Variants in PCDHGA5 observed in about 807,000 individuals in gnomAD.
PCDHGA5 encodes protocadherin gamma subfamily A, 5, also known as protocadherin gamma-A5.
Under a neutral mutation model 56.7 loss-of-function variants are expected in PCDHGA5, and 36 were observed. The observed-to-expected ratio is 0.64, with a 90% confidence interval of 0.49 to 0.84. The LOEUF (loss-of-function observed/expected upper bound fraction) is 0.84. PCDHGA5 is among the 40% of genes least tolerant of loss of function. The pLI, the probability that PCDHGA5 is intolerant of heterozygous loss-of-function variation, is 0.00. For synonymous variants in PCDHGA5, 563 were observed against 520.2 expected (o/e 1.08, Z -1.12); for missense variants, 1,305 against 1,201.5 (o/e 1.09, Z -1.27).
At position 141,491,346 on chromosome 5, in the gene PCDHGA5, T is replaced by A. The variant is rs760843553; in HGVS notation, c.2422-3461T>A. ...TCATTGTGGCTCTAGCGACCGTCAG[T>A]CTCTTATCCCTAGTCACCTTCACCT... On this transcript the variant is annotated intron_variant, in intron 1 of 3. Coordinates refer to ENST00000518069, the MANE Select transcript of PCDHGA5 (RefSeq NM_018918.3). This position sits in a 1 kb window ranked among gnomAD's most constrained non-coding sequence, Gnocchi z 6.9. The A allele has an allele frequency of 6.2e-7, 1 of 1,614,088 alleles. No individual in the cohort carries two copies. The highest frequency in any genetic ancestry group is 1.1e-5 in the South Asian group (1 of 91,080).
At chr5:141,386,797 T>G (rs771279831) in intron 1 of PCDHGA5, among the ~76,000 whole-genome samples, 1 of 152,124 alleles carries the variant, frequency 6.6e-6, no homozygotes, top group Non-Finnish European at 1.5e-5. Flanking sequence ...TGACCAAAAT[T>G]TATTAGATGC....
In PCDHGA5 at chr5:141,511,925, G is replaced by C. The variant is rs2099884008; in HGVS notation, c.*752G>C. 1 of 155,320 alleles carries C rather than the reference G, an allele frequency of 6.4e-6. No homozygotes were observed. Among genetic ancestry groups the C allele is most frequent in the Admixed American group, 6.3e-5 (1 of 15,924 alleles). 9.6% of individuals were successfully genotyped at this position (155,320 alleles called of 1,614,324 possible). A position where few individuals can be genotyped will look rare whatever the true frequency, so the allele number is the denominator to read the frequency against. ...CCTCAAACAAGAGACTCCACTGCAT[G>C]TTCCAAGACAGTATGGGGTGGTAAG... On this transcript the variant is annotated 3_prime_UTR_variant, in exon 4 of 4. Coordinates refer to ENST00000518069, the MANE Select transcript of PCDHGA5 (RefSeq NM_018918.3).
rs750804901 is a variant in PCDHGA5 at position 141,476,422 on chromosome 5, C to G, written c.2422-18385C>G. On this transcript the variant is annotated intron_variant, in intron 1 of 3. Coordinates refer to ENST00000518069, the MANE Select transcript of PCDHGA5 (RefSeq NM_018918.3). The surrounding 1 kb of genome is among the most constrained non-coding windows in gnomAD (Gnocchi z 7.6). ...GAGAGGAGCTGTGTGGGACACTGCC[C>G]TCTTGCACTGTAACTCTGGAGTTGG... 17 of 1,614,026 alleles carry G rather than the reference C, an allele frequency of 1.1e-5. No individual in the cohort carries two copies. The highest frequency in any genetic ancestry group is 1.4e-5 in the Non-Finnish European group (17 of 1,180,030).
chr5:141,478,857 C>A, intron 1 of PCDHGA5: 1 of 1,353,600 alleles, frequency 7.4e-7, no homozygotes, highest in Non-Finnish European at 9.8e-7. Context: ...AACACAAGAT[C>A]TCAGCGATCA....
At chr5:141,389,573 C>T (rs778800357) in intron 1 of PCDHGA5, 2 of 1,613,242 alleles carry the variant, frequency 1.2e-6, no homozygotes, top group African/African-American at 1.3e-5. Flanking sequence ...TGCTGTACCC[C>T]GCGCTGGGTC....
intron 1 of PCDHGA5, among the ~76,000 whole-genome samples, chr5:141,465,422 G>A (rs74711061): frequency 0.01 from 1,576 of 152,260 alleles, 21 homozygotes; most frequent in African/African-American, 0.037. Context: ...AGCACTGAAA[G>A]GTGGGCACTT....
At chr5:141,453,865 A>T (rs1048679358) in intron 1 of PCDHGA5, among the ~76,000 whole-genome samples, 2 of 152,234 alleles carry the variant, frequency 1.3e-5, no homozygotes, top group African/African-American at 4.8e-5. Flanking sequence ...AAAATAACAG[A>T]TGAGCAAAAT....
chr5:141,450,386 A>T (rs1208546397), intron 1 of PCDHGA5, among the ~76,000 whole-genome samples: 2 of 152,192 alleles, frequency 1.3e-5, no homozygotes, highest in Non-Finnish European at 2.9e-5. Flanking sequence ...TGAAACTGAC[A>T]TTTGTAAAGA....
chr5:141,404,680 G>C, intron 1 of PCDHGA5: 1 of 1,614,160 alleles, frequency 6.2e-7, no homozygotes, highest in East Asian at 2.2e-5. Context: ...CTGGTGTGGA[G>C]CTGGCACCCC....
rs749347013 is a variant in PCDHGA5, at chr5:141,476,739, C to G, written c.2422-18068C>G. 6.2e-7 allele frequency: 1 copy of G among 1,614,068 alleles called. No individual in the cohort carries two copies. Among genetic ancestry groups the G allele is most frequent in the South Asian group, 1.1e-5 (1 of 91,088 alleles). On this transcript the variant is annotated intron_variant, in intron 1 of 3. Transcript: ENST00000518069. The surrounding 1 kb of genome is among the most constrained non-coding windows in gnomAD (Gnocchi z 7.6). Reference sequence around the variant, plus strand: ...CGCGCCCTGGACCGAGAACGGGAGCCTAGTCTCCAGTTAGTGCTGACGGCG... The same window carrying G: ...CGCGCCCTGGACCGAGAACGGGAGCGTAGTCTCCAGTTAGTGCTGACGGCG...
In PCDHGA5 at chr5:141,464,280, A is replaced by C. The variant is rs934753450; in HGVS notation, c.2422-30527A>C. Among the ~76,000 whole-genome samples, 148 of 75,930 alleles carry C rather than the reference A, an allele frequency of 1.9e-3. 1 individual carries two copies. Among genetic ancestry groups the C allele is most frequent in the African/African-American group, 0.011 (146 of 12,968 alleles). 49.8% of individuals were successfully genotyped at this position (75,930 alleles called of 152,430 possible). Reference sequence around the variant, plus strand: ...ACTCCGTCTAAAAAAAAAAAAAAGCAAAAAAAAAAACTCCATTGTATGTGC... The same window carrying C: ...ACTCCGTCTAAAAAAAAAAAAAAGCCAAAAAAAAAACTCCATTGTATGTGC... On this transcript the variant is annotated intron_variant, in intron 1 of 3. Transcript: ENST00000518069.
rs1222348421 is a variant in PCDHGA5, at chr5:141,511,044, C to T, written c.2667C>T (p.Asp889=). 1 of 1,614,128 alleles carries T rather than the reference C, an allele frequency of 6.2e-7. No homozygotes were observed. The highest frequency in any genetic ancestry group is 1.3e-5 in the African/African-American group (1 of 74,940). ...GPQFTLQHVP[D]YRQNVYIPGS... is the part of the protein sequence containing the mutation. ...AGTTCACCCTGCAGCACGTGCCCGA[C>T]TACCGCCAGAATGTCTACATCCCAG... The change falls in exon 4 of 4, where the codon GAC becomes GAT. Residue 889 remains aspartate, a synonymous_variant. Coordinates refer to ENST00000518069, the MANE Select transcript of PCDHGA5 (RefSeq NM_018918.3).
intron 1 of PCDHGA5, among the ~76,000 whole-genome samples, chr5:141,482,530 C>CAAAAAAAAAA (rs3074545): frequency 1.2e-3 from 90 of 76,428 alleles, no homozygotes; most frequent in African/African-American, 1.7e-3. Context: ...GACAGACATG[C>CAAAAAAAAAA]AAAAAAAAAA....
At chr5:141,381,989 C>G (rs1013941230) in intron 1 of PCDHGA5, among the ~76,000 whole-genome samples, 13 of 151,916 alleles carry the variant, frequency 8.6e-5, no homozygotes, top group Admixed American at 7.2e-4. Flanking sequence ...GCCACCACGC[C>G]CGGATAATTT....
At position 141,432,669 on chromosome 5, in the gene PCDHGA5, C is replaced by T. The variant is rs777314784; in HGVS notation, c.2422-62138C>T. ...GCGCGAGCCCTGCTGGACAGAGACG[C>T]GCTCAAGCAGAGCCTCGTAGTGGCC... On this transcript the variant is annotated intron_variant, in intron 1 of 3. Transcript: ENST00000518069. This position sits in a 1 kb window ranked among gnomAD's most constrained non-coding sequence, Gnocchi z 6.0. 1 of 1,613,894 alleles carries T rather than the reference C, an allele frequency of 6.2e-7. No homozygotes were observed.
intron 2 of PCDHGA5, among the ~76,000 whole-genome samples, chr5:141,499,192 C>T (rs1048812227): frequency 1.1e-4 from 17 of 152,106 alleles, no homozygotes; most frequent in South Asian, 2.1e-4. Flanking sequence ...CCATTTCCCC[C>T]TTCTTAGGCT....
chr5:141,495,973 A>T, intron 2 of PCDHGA5, among the ~76,000 whole-genome samples: 1 of 146,986 alleles, frequency 6.8e-6, no homozygotes, highest in Admixed American at 6.8e-5. Flanking sequence ...TTTCTCTGTT[A>T]CTCTTTCTTT....
chr5:141,507,691 A>G (rs777728143), intron 3 of PCDHGA5, among the ~76,000 whole-genome samples: 72 of 152,198 alleles, frequency 4.7e-4, no homozygotes, highest in Non-Finnish European at 6.8e-4. Context: ...CAGAAATGAA[A>G]TCAGTATTTA....
intron 3 of PCDHGA5, 111 bp from the exon 4 acceptor site, chr5:141,510,836 G>C: frequency 6.3e-7 from 1 of 1,584,882 alleles, no homozygotes; most frequent in African/African-American, 1.3e-5. Flanking sequence ...TGCTCAGCGT[G>C]GTCAAGGCCC....
Sources: allele counts gnomAD v4.1 joint callset (sites outside exome capture counted in the v4.1 genomes callset), GRCh38; gene constraint gnomAD v4.1.1; non-coding constraint Gnocchi (gnomAD v3.1); transcripts MANE v1.5; gene names NCBI Gene and HGNC (gene_info 2026-07-23, HGNC 2026-07-21).